ARID1B: variants seen among roughly 807,000 people sequenced by gnomAD.
The protein encoded by ARID1B is AT-rich interactive domain-containing protein 1B.
A neutral mutation model predicts 212.3 loss-of-function variants in ARID1B; 30 were observed. The ratio of observed to expected loss-of-function variants is 0.14; its 90% CI spans 0.11 to 0.19. The LOEUF (loss-of-function observed/expected upper bound fraction) is 0.19. Among genes scored for constraint, ARID1B ranks in the 10% least tolerant of loss-of-function variants. The pLI, the probability that ARID1B is intolerant of heterozygous loss-of-function variation, is 1.00. For missense variants in ARID1B, 2,891 were observed against 3,204.0 expected, an observed-to-expected ratio of 0.90 and a Z score of 2.36; for synonymous variants, 1,402 against 1,301.7, an observed-to-expected ratio of 1.08 and a Z score of -1.66.
intron 13 of ARID1B, 82 bp from the exon 14 acceptor site, chr6:157,189,560 A>G: frequency 1.4e-6 from 2 of 1,428,462 alleles, no homozygotes; most frequent in Middle Eastern, 1.8e-4. Flanking sequence ...TATGTCTTTC[A>G]TCTGTATAAC....
intron 4 of ARID1B, chr6:156,939,929 A>G (rs558748269): frequency 1.4e-4 from 22 of 152,342 alleles, no homozygotes; most frequent in African/African-American, 4.8e-4. Context: ...GTAAACATGT[A>G]TAAAGGGAAG....
At chr6:156,961,650 G>T (rs73576063) in intron 4 of ARID1B, among the ~76,000 whole-genome samples, 5,029 of 152,258 alleles carry the variant, frequency 0.033, 277 homozygotes, top group African/African-American at 0.11. Flanking sequence ...GGCCAGAAGG[G>T]CAGGGTCGCT....
chr6:156,869,490 T>A (rs1785952341), intron 2 of ARID1B, among the ~76,000 whole-genome samples: 1 of 152,256 alleles, frequency 6.6e-6, no homozygotes, highest in Non-Finnish European at 1.5e-5. Context: ...CACACTGAGA[T>A]TAATGAGCTT....
chr6:156,824,810 T>C (rs1409455956), intron 1 of ARID1B, among the ~76,000 whole-genome samples: 1 of 151,722 alleles, frequency 6.6e-6, no homozygotes, highest in Non-Finnish European at 1.5e-5. Flanking sequence ...TCAGGTTAGA[T>C]GTGCGTATGA....
At chr6:156,878,914 C>T (rs1786812533) in intron 2 of ARID1B, among the ~76,000 whole-genome samples, 1 of 152,176 alleles carries the variant, frequency 6.6e-6, no homozygotes, top group Non-Finnish European at 1.5e-5. Context: ...TTTGCATCAG[C>T]ATTTCATTGA....
chr6:156,957,459 A>C (rs1484974657), intron 4 of ARID1B, among the ~76,000 whole-genome samples: 1 of 152,116 alleles, frequency 6.6e-6, no homozygotes, highest in Non-Finnish European at 1.5e-5. Context: ...TAGCAGGCCA[A>C]GTTCCAGCAT....
chr6:156,796,431 G>A (rs879499875), intron 1 of ARID1B, among the ~76,000 whole-genome samples: 10 of 150,576 alleles, frequency 6.6e-5, no homozygotes, highest in Non-Finnish European at 1.2e-4. Flanking sequence ...ACTTATGAAG[G>A]GACTGGGCAT....
intron 2 of ARID1B, among the ~76,000 whole-genome samples, chr6:156,835,909 T>A (rs1437310541): frequency 9.6e-6 from 1 of 104,252 alleles, no homozygotes; most frequent in Non-Finnish European, 2.0e-5. Context: ...GCCCAGCTAA[T>A]TTTTAAATTT....
intron 6 of ARID1B, among the ~76,000 whole-genome samples, chr6:157,126,891 C>T (rs1371225450): frequency 6.6e-6 from 1 of 152,158 alleles, no homozygotes; most frequent in Non-Finnish European, 1.5e-5. Context: ...GACGCAGCTG[C>T]GTTCCCTCAG....
intron 1 of ARID1B, among the ~76,000 whole-genome samples, chr6:156,782,409 A>T (rs772028515): frequency 2.6e-5 from 4 of 152,108 alleles, no homozygotes; most frequent in Non-Finnish European, 4.4e-5. Context: ...TCAGTTTATT[A>T]CTAGATTTTT....
chr6:156,853,062 G>A (rs1171239230), intron 2 of ARID1B, among the ~76,000 whole-genome samples: 1 of 152,164 alleles, frequency 6.6e-6, no homozygotes, highest in Non-Finnish European at 1.5e-5. Flanking sequence ...TGATCGGTTT[G>A]ACTGGTGGAA....
intron 4 of ARID1B, among the ~76,000 whole-genome samples, chr6:157,030,848 A>G (rs1370162333): frequency 6.6e-6 from 1 of 152,170 alleles, no homozygotes; most frequent in Non-Finnish European, 1.5e-5. Flanking sequence ...TATAGAGACA[A>G]GGTTTTAGTT....
At chr6:157,039,303 A>G (rs570017622) in intron 4 of ARID1B, among the ~76,000 whole-genome samples, 35 of 150,974 alleles carry the variant, frequency 2.3e-4, no homozygotes, top group African/African-American at 8.5e-4. Flanking sequence ...TATAATTAAA[A>G]ATGGGAAATT....
At chr6:156,869,742 C>T (rs1185858463) in intron 2 of ARID1B, among the ~76,000 whole-genome samples, 1 of 152,008 alleles carries the variant, frequency 6.6e-6, no homozygotes, top group Non-Finnish European at 1.5e-5. Flanking sequence ...AAGTGAATTT[C>T]TTCATATCAA....
chr6:157,098,207 C>T (rs929860669), intron 5 of ARID1B, among the ~76,000 whole-genome samples: 6 of 152,170 alleles, frequency 3.9e-5, no homozygotes, highest in African/African-American at 1.4e-4. Flanking sequence ...GTGTTCTCCC[C>T]GCCGCCTCTT....
chr6:157,093,882 A>G (rs1165206877), intron 5 of ARID1B, among the ~76,000 whole-genome samples: 1 of 152,222 alleles, frequency 6.6e-6, no homozygotes, highest in Non-Finnish European at 1.5e-5. Context: ...TAATTCAGCA[A>G]AGCACTGAGT....
chr6:156,856,517 G>A (rs79060040), intron 2 of ARID1B, among the ~76,000 whole-genome samples: 66 of 152,206 alleles, frequency 4.3e-4, no homozygotes, highest in African/African-American at 1.5e-3. Context: ...GGAGAAGCCG[G>A]GGTTGCATCC....
At chr6:156,935,770 A>T in intron 4 of ARID1B, 194 bp downstream of exon 4, 1 of 523,034 alleles carries the variant, frequency 1.9e-6, no homozygotes. Flanking sequence ...TTTCATGTGT[A>T]TATATCTCTG....
At chr6:156,855,237 G>A (rs894538577) in intron 2 of ARID1B, among the ~76,000 whole-genome samples, 15 of 152,172 alleles carry the variant, frequency 9.9e-5, no homozygotes, top group Admixed American at 4.6e-4. Context: ...TTTTTAAGGC[G>A]TATGGATGAT....
Sources: allele counts gnomAD v4.1 joint callset (sites outside exome capture counted in the v4.1 genomes callset), GRCh38; gene constraint gnomAD v4.1.1; transcripts MANE v1.5; gene names NCBI Gene and HGNC (gene_info 2026-07-23, HGNC 2026-07-21).